Variants in ARHGEF7 observed in about 807,000 individuals in gnomAD.
ARHGEF7 encodes the protein Rho guanine nucleotide exchange factor 7.
A neutral mutation model predicts 109.8 loss-of-function variants in ARHGEF7; 33 were observed. The observed-to-expected ratio is 0.30, with a 90% CI of 0.23 to 0.40. The LOEUF is 0.40. ARHGEF7 is among the 10% of genes least tolerant of loss of function. The pLI, the probability that ARHGEF7 is intolerant of heterozygous loss-of-function variation, is 1.00. For missense variants in ARHGEF7, 938 were observed against 1,098.5 expected (o/e 0.85, Z 2.07); for synonymous variants, 458 against 424.6 (o/e 1.08, Z -0.97).
chr13:111,164,781 A>C (rs1382623656), intron 2 of ARHGEF7, among the ~76,000 whole-genome samples: 1 of 152,240 alleles, frequency 6.6e-6, no homozygotes, highest in Non-Finnish European at 1.5e-5. Context: ...GACCCCAGGC[A>C]AGCGGAATCG....
chr13:111,293,619 G>T (rs780317016), intron 19 of ARHGEF7: 6 of 985,258 alleles, frequency 6.1e-6, no homozygotes, highest in Middle Eastern at 1.0e-3. Context: ...TCCCATGCAC[G>T]CTCTATTTGG....
At position 111,304,335 on chromosome 13, in the gene ARHGEF7, T is replaced by C. The variant is rs2093620862; in HGVS notation, c.*1222T>C. The stretch of plus-strand genomic sequence containing the variant: ...GGTCCTGGGCAGGAAGCCCGGCCCG[T>C]GGAGCAGGTTTTCGTTCTGCTTCAG... On this transcript the variant is annotated 3_prime_UTR_variant, in exon 22 of 22. Transcript: ENST00000646102. The C allele has an allele frequency of 6.6e-6, 1 of 152,252 alleles. No homozygotes were observed. Among genetic ancestry groups the C allele is most frequent in the Admixed American group, 6.5e-5 (1 of 15,280 alleles). 9.4% of individuals were successfully genotyped at this position (152,252 alleles called of 1,614,324 possible). A position where few individuals can be genotyped will look rare whatever the true frequency, so the allele number is the denominator to read the frequency against.
chr13:111,141,826 C>T (rs376024856), intron 1 of ARHGEF7, among the ~76,000 whole-genome samples: 7 of 152,168 alleles, frequency 4.6e-5, no homozygotes, highest in Admixed American at 1.3e-4. Flanking sequence ...TTCAGCCCCA[C>T]GTGGGTAAAT....
chr13:111,294,697 A>G (rs953537874), intron 19 of ARHGEF7: 2 of 985,328 alleles, frequency 2.0e-6, no homozygotes, highest in African/African-American at 1.7e-5. Context: ...CCAGAGGGCC[A>G]TTGTTTCTAC....
At chr13:111,125,367 T>C (rs1282792705) in intron 1 of ARHGEF7, among the ~76,000 whole-genome samples, 1 of 145,398 alleles carries the variant, frequency 6.9e-6, no homozygotes, top group African/African-American at 2.5e-5. Flanking sequence ...CATAACTTTA[T>C]TATTACACTT....
At chr13:111,219,875 T>A (rs2083602586) in intron 5 of ARHGEF7, among the ~76,000 whole-genome samples, 1 of 152,114 alleles carries the variant, frequency 6.6e-6, no homozygotes, top group Non-Finnish European at 1.5e-5. Flanking sequence ...GCTGGGATAT[T>A]AAGAAGGGGG....
At chr13:111,211,997 T>G (rs1486022117) in intron 4 of ARHGEF7, among the ~76,000 whole-genome samples, 1 of 152,166 alleles carries the variant, frequency 6.6e-6, no homozygotes, top group Non-Finnish European at 1.5e-5. Context: ...GGGGCTGGTG[T>G]TGTTTATGCC....
chr13:111,240,162 C>T (rs1012351470), intron 6 of ARHGEF7, among the ~76,000 whole-genome samples: 2 of 152,210 alleles, frequency 1.3e-5, no homozygotes, highest in Non-Finnish European at 2.9e-5. Flanking sequence ...GAGGCCGGCT[C>T]TACCTGTCGC....
At chr13:111,172,890 A>G (rs1436699515) in intron 2 of ARHGEF7, among the ~76,000 whole-genome samples, 1 of 152,152 alleles carries the variant, frequency 6.6e-6, no homozygotes, top group African/African-American at 2.4e-5. Flanking sequence ...TTTTCTCCCG[A>G]TTATAGTAGC....
chr13:111,280,454 G>A (rs1000950407), intron 14 of ARHGEF7, 84 bp from the exon 15 acceptor site: 29 of 1,581,840 alleles, frequency 1.8e-5, no homozygotes, highest in South Asian at 2.3e-5. Flanking sequence ...GTGTTTAAGC[G>A]CTGAGTGGAA....
rs577852116 is a variant in ARHGEF7, at chr13:111,287,944, G to A, written c.2045-410G>A. On this transcript the variant is annotated intron_variant, in intron 17 of 21. Coordinates refer to ENST00000646102, the MANE Select transcript of ARHGEF7 (RefSeq NM_001354046.2). ...GGCCTTTTGTTTTCATCTGGCTGGC[G>A]TGTGGAAACACGAAAATGTTTTAAT... Among the ~76,000 whole-genome samples the A allele has an allele frequency of 4.1e-4, 62 of 152,342 alleles. No individual in the cohort carries two copies. In the South Asian group the frequency reaches 8.1e-3, roughly 20 times the overall value.
In ARHGEF7 at chr13:111,280,599, G is replaced by A. The variant is rs771487784; in HGVS notation, c.1647G>A (p.Val549=). The change falls in exon 15 of 22, where the codon GTG becomes GTA. Residue 549 remains valine, a synonymous_variant. Transcript: ENST00000646102. ...ACCAGCAGGATCTGCAGGAATGGGTGGAGCACCTACAGAAGCAAACGAAGG... is the reference window on the plus strand; with the variant it reads ...ACCAGCAGGATCTGCAGGAATGGGTAGAGCACCTACAGAAGCAAACGAAGG... ...CNNQQDLQEW[V]EHLQKQTKVT... 1.7e-5 allele frequency: 27 copies of A among 1,612,818 alleles called. No homozygotes were observed. Among genetic ancestry groups the A allele is most frequent in the South Asian group, 2.2e-5 (2 of 90,804 alleles).
chr13:111,281,608 T>A (rs1016626807), intron 15 of ARHGEF7, among the ~76,000 whole-genome samples: 1 of 152,250 alleles, frequency 6.6e-6, no homozygotes, highest in Non-Finnish European at 1.5e-5. Flanking sequence ...TCTACCATTT[T>A]AAAATTCTCC....
intron 5 of ARHGEF7, among the ~76,000 whole-genome samples, chr13:111,227,617 C>T (rs1460962703): frequency 2.0e-5 from 3 of 152,170 alleles, no homozygotes; most frequent in Non-Finnish European, 4.4e-5. Context: ...ATTTGTGTGA[C>T]TCACTGTATT....
chr13:111,271,566 G>A (rs1168419003), intron 9 of ARHGEF7, among the ~76,000 whole-genome samples: 1 of 152,132 alleles, frequency 6.6e-6, no homozygotes, highest in East Asian at 1.9e-4. Context: ...ATGATTTTTG[G>A]AAAGCACAAA....
At chr13:111,169,616 G>A (rs986145863) in intron 2 of ARHGEF7, among the ~76,000 whole-genome samples, 1 of 152,216 alleles carries the variant, frequency 6.6e-6, no homozygotes, top group Non-Finnish European at 1.5e-5. Context: ...AGCCACATCA[G>A]CCAGAGGCTT....
chr13:111,159,893 C>T (rs567218998), intron 2 of ARHGEF7, among the ~76,000 whole-genome samples: 10 of 152,220 alleles, frequency 6.6e-5, no homozygotes, highest in South Asian at 4.1e-4. Flanking sequence ...CCTCTGTTTT[C>T]GGTGCTTTTG....
chr13:111,205,433 G>C lies in ARHGEF7; in HGVS notation c.337+60G>C. ...GAAGACATACGGGCTGACACCTTTG[G>C]TTTTCTTGTTTTACCAAAGCCAGGG... On this transcript the variant is annotated intron_variant, in intron 3 of 21. Coordinates refer to ENST00000646102, the MANE Select transcript of ARHGEF7 (RefSeq NM_001354046.2). The C allele has an allele frequency of 4.1e-6, 5 of 1,234,510 alleles. No individual in the cohort carries two copies. The South Asian group carries it at 6.2e-5, about 15-fold the overall frequency. The allele number at this position is 1,234,510 out of a possible 1,614,324, so 76.5% of individuals were successfully genotyped here.
At chr13:111,244,608 A>G (rs1182847994) in intron 8 of ARHGEF7, among the ~76,000 whole-genome samples, 1 of 152,212 alleles carries the variant, frequency 6.6e-6, no homozygotes, top group Non-Finnish European at 1.5e-5. Context: ...CAAGTGGCTC[A>G]GCTCCTTGTG....
Sources: gnomAD v4.1 joint callset for allele counts (sites outside exome capture counted in the v4.1 genomes callset) on GRCh38, gnomAD v4.1.1 for gene constraint, MANE v1.5 for transcripts, NCBI Gene and HGNC (gene_info 2026-07-23, HGNC 2026-07-21) for gene names.